PCDH11X: variants seen among roughly 807,000 people sequenced by gnomAD.
The protein encoded by PCDH11X is protocadherin 11 X-linked, also known as protocadherin-11 X-linked.
A neutral mutation model predicts 53.3 loss-of-function variants in PCDH11X; 18 were observed. That is an observed-to-expected ratio of 0.34 (90% CI 0.23 to 0.50). PCDH11X has a LOEUF of 0.50. PCDH11X is among the 20% of genes least tolerant of loss of function. The probability of loss-of-function intolerance (pLI) is 0.98; values close to 1 mark genes in which losing one functional copy is unlikely to be tolerated. For synonymous variants in PCDH11X, 279 were observed against 393.3 expected, an observed-to-expected ratio of 0.71 and a Z score of 3.44; for missense variants, 570 against 1,032.4, an observed-to-expected ratio of 0.55 and a Z score of 6.14.
intron 10 of PCDH11X, among the ~76,000 whole-genome samples, chrX:92,587,132 C>T (rs1187131378): frequency 1.8e-5 from 2 of 109,820 alleles, no homozygotes; most frequent in African/African-American, 6.6e-5. Flanking sequence ...TTTACAGCAT[C>T]TTATTTCTTT....
intron 10 of PCDH11X, among the ~76,000 whole-genome samples, chrX:92,596,215 C>T (rs1475046229): frequency 2.7e-5 from 3 of 112,284 alleles, no homozygotes; most frequent in African/African-American, 6.5e-5. Flanking sequence ...CCAGTGAGTA[C>T]GCGCAGATGG....
At chrX:92,417,568 A>G (rs1214139482) in intron 9 of PCDH11X, among the ~76,000 whole-genome samples, 2 of 111,478 alleles carry the variant, frequency 1.8e-5, no homozygotes, top group African/African-American at 6.5e-5. Flanking sequence ...ACTACTCAAT[A>G]TGGATTTGAA....
intron 6 of PCDH11X, among the ~76,000 whole-genome samples, chrX:91,986,480 C>G (rs1009599705): frequency 4.6e-5 from 5 of 108,533 alleles, no homozygotes; most frequent in African/African-American, 1.7e-4. Flanking sequence ...AAATTAGTGG[C>G]TAAGAACAAC....
chrX:92,412,142 A>AGAG (rs1288607976), intron 9 of PCDH11X, among the ~76,000 whole-genome samples: 54 of 77,107 alleles, frequency 7.0e-4, no homozygotes, highest in Non-Finnish European at 1.1e-3. Context: ...CAGCAGCAGC[A>AGAG]GAGGAGGAGG....
intron 6 of PCDH11X, among the ~76,000 whole-genome samples, chrX:91,889,894 CTGA>C (rs1424072296): frequency 1.5e-4 from 17 of 111,746 alleles, no homozygotes; most frequent in African/African-American, 4.9e-4. Flanking sequence ...TCTAGAATAA[CTGA>C]TAACAGTTAA....
intron 6 of PCDH11X, among the ~76,000 whole-genome samples, chrX:91,939,690 G>A (rs948975920): frequency 5.5e-5 from 6 of 109,855 alleles, no homozygotes; most frequent in African/African-American, 2.0e-4. Context: ...GACAGTGGAG[G>A]GCTGTCTTTA....
At chrX:92,244,136 C>T (rs1298111945) in intron 7 of PCDH11X, among the ~76,000 whole-genome samples, 1 of 109,793 alleles carries the variant, frequency 9.1e-6, no homozygotes, top group Non-Finnish European at 1.9e-5. Context: ...AAGATAGAAA[C>T]CTCTGTTTCA....
intron 9 of PCDH11X, among the ~76,000 whole-genome samples, chrX:92,403,757 A>G (rs2071449478): frequency 8.9e-6 from 1 of 111,753 alleles, no homozygotes; most frequent in African/African-American, 3.2e-5. Context: ...TCAGGAAAAT[A>G]GAAGACCTGA....
chrX:92,459,984 G>T (rs2073001055), intron 9 of PCDH11X: 1 of 1,108,440 alleles, frequency 9.0e-7, no homozygotes, highest in African/African-American at 1.8e-5. Context: ...AGAACCGTAG[G>T]CTGGAGAGCA....
chrX:91,896,413 C>T (rs1258264314), intron 6 of PCDH11X, among the ~76,000 whole-genome samples: 2 of 110,182 alleles, frequency 1.8e-5, no homozygotes, highest in Non-Finnish European at 3.8e-5. Context: ...AGTGAGCCAC[C>T]GCACCGCACC....
At chrX:92,366,080 C>G (rs1264837118) in intron 8 of PCDH11X, among the ~76,000 whole-genome samples, 3 of 109,683 alleles carry the variant, frequency 2.7e-5, no homozygotes, top group Non-Finnish European at 5.7e-5. Flanking sequence ...TTTTGTACCT[C>G]TGGGAGAATT....
intron 6 of PCDH11X, among the ~76,000 whole-genome samples, chrX:92,105,568 T>G (rs1465592360): frequency 1.8e-5 from 2 of 108,130 alleles, no homozygotes; most frequent in Non-Finnish European, 3.8e-5. Context: ...GGGGCCGTTT[T>G]ATAAGATTTG....
intron 7 of PCDH11X, among the ~76,000 whole-genome samples, chrX:92,257,574 A>G (rs536449967): frequency 1.5e-3 from 168 of 112,514 alleles, no homozygotes; most frequent in African/African-American, 5.0e-3. Context: ...TCTTACAGAC[A>G]TTGGGTAAAT....
At chrX:92,264,853 G>A (rs746820704) in intron 8 of PCDH11X, among the ~76,000 whole-genome samples, 48 of 101,629 alleles carry the variant, frequency 4.7e-4, no homozygotes, top group African/African-American at 1.7e-3. Context: ...AAGGACCAAT[G>A]GAAAAAGAGG....
intron 10 of PCDH11X, among the ~76,000 whole-genome samples, chrX:92,540,397 A>G (rs5942292): frequency 0.25 from 27,149 of 106,472 alleles, 2,854 homozygotes; most frequent in East Asian, 0.66. Flanking sequence ...TTAAAGACCA[A>G]GGGCTCTTCT....
chrX:92,540,569 T>A (rs2074738031), intron 10 of PCDH11X, among the ~76,000 whole-genome samples: 1 of 102,445 alleles, frequency 9.8e-6, no homozygotes, highest in Admixed American at 1.1e-4. Context: ...CAAACTGGTA[T>A]CTAGTGTGCA....
chrX:92,415,690 AAT>A (rs746719476), intron 9 of PCDH11X, among the ~76,000 whole-genome samples: 2,657 of 98,655 alleles, frequency 0.027, 38 homozygotes, highest in South Asian at 0.09. Context: ...AGAAAAGAAA[AAT>A]AATAATTTGT....
intron 6 of PCDH11X, among the ~76,000 whole-genome samples, chrX:92,034,905 T>C (rs1252045238): frequency 9.1e-6 from 1 of 110,132 alleles, no homozygotes; most frequent in African/African-American, 3.3e-5. Flanking sequence ...TTAATTTTTG[T>C]ATATCCATTT....
intron 6 of PCDH11X, among the ~76,000 whole-genome samples, chrX:92,118,750 T>A (rs1242450710): frequency 6.3e-5 from 5 of 79,724 alleles, no homozygotes; most frequent in Non-Finnish European, 7.0e-5. Context: ...TTTTTTTTTT[T>A]TTTTTTTTTG....
Sources: gnomAD v4.1 joint callset for allele counts (sites outside exome capture counted in the v4.1 genomes callset) on GRCh38, gnomAD v4.1.1 for gene constraint, MANE v1.5 for transcripts, NCBI Gene and HGNC (gene_info 2026-07-23, HGNC 2026-07-21) for gene names.